PRKG1: variants seen among roughly 807,000 people sequenced by gnomAD.
PRKG1 encodes protein kinase cGMP-dependent 1, also known as cGMP-dependent protein kinase 1.
PRKG1 carries 35 observed loss-of-function variants against 88.1 expected under a neutral mutation model. The ratio of observed to expected loss-of-function variants is 0.40; its 90% CI spans 0.30 to 0.53. The LOEUF is 0.53. Ranked by LOEUF, PRKG1 falls within the 20% of genes least tolerant of loss-of-function variation. The pLI is 0.59. For missense variants in PRKG1, 540 were observed against 839.8 expected (o/e 0.64, Z 4.41); for synonymous variants, 303 against 292.5 (o/e 1.04, Z -0.37).
At chr10:51,989,916 T>C (rs185805585) in intron 5 of PRKG1, among the ~76,000 whole-genome samples, 2 of 152,304 alleles carry the variant, frequency 1.3e-5, no homozygotes, top group East Asian at 3.9e-4. Flanking sequence ...TCTTAAGTTT[T>C]CTTATAATAG....
At chr10:51,137,646 A>T (rs1001784821) in intron 1 of PRKG1, among the ~76,000 whole-genome samples, 15 of 152,336 alleles carry the variant, frequency 9.8e-5, no homozygotes, top group African/African-American at 2.9e-4. Flanking sequence ...GAAATAAAGG[A>T]CAAGAAATTT....
intron 5 of PRKG1, among the ~76,000 whole-genome samples, chr10:51,927,999 T>C (rs895484299): frequency 1.3e-5 from 2 of 152,204 alleles, no homozygotes; most frequent in Non-Finnish European, 2.9e-5. Context: ...TCTAGGCATA[T>C]GAGTTTGTGA....
chr10:51,335,539 A>T (rs1841854181), intron 2 of PRKG1, among the ~76,000 whole-genome samples: 1 of 149,022 alleles, frequency 6.7e-6, no homozygotes, highest in Admixed American at 6.7e-5. Context: ...TATGCTACAT[A>T]TTTTTTTTTT....
chr10:51,766,752 A>G (rs1741181629), intron 3 of PRKG1, among the ~76,000 whole-genome samples: 2 of 152,190 alleles, frequency 1.3e-5, no homozygotes, highest in South Asian at 2.1e-4. Context: ...GCATCTCCAA[A>G]TACTATCACA....
intron 7 of PRKG1, among the ~76,000 whole-genome samples, chr10:52,094,346 G>C (rs1847125065): frequency 6.6e-6 from 1 of 151,982 alleles, no homozygotes; most frequent in Non-Finnish European, 1.5e-5. Context: ...TTTGTCAGCT[G>C]CTAAGCTAAT....
At chr10:52,133,626 A>G (rs1024851729) in intron 7 of PRKG1, among the ~76,000 whole-genome samples, 2 of 152,120 alleles carry the variant, frequency 1.3e-5, no homozygotes, top group Non-Finnish European at 2.9e-5. Flanking sequence ...GAAAATTGCA[A>G]CTACTGGATT....
intron 2 of PRKG1, among the ~76,000 whole-genome samples, chr10:51,325,398 C>T (rs1265591501): frequency 3.9e-5 from 6 of 152,198 alleles, no homozygotes; most frequent in Non-Finnish European, 7.4e-5. Context: ...GCAGTTTCAC[C>T]ATGTTGGCCA....
At chr10:51,086,301 A>G (rs1190118580) in intron 1 of PRKG1, among the ~76,000 whole-genome samples, 5 of 152,196 alleles carry the variant, frequency 3.3e-5, no homozygotes, top group Non-Finnish European at 7.4e-5. Flanking sequence ...AGGCATTAAC[A>G]TATTTATTTT....
rs558696869 is a variant in PRKG1 at position 51,841,040 on chromosome 10, G to A, written c.698+36350G>A. Among the ~76,000 whole-genome samples the A allele has an allele frequency of 4.6e-5, 7 of 152,268 alleles. No individual in the cohort carries two copies. In the South Asian group the frequency reaches 6.2e-4, roughly 14 times the overall value. ...AGATCACCAATAGATGAATGATTTC[G>A]TTTTCTTGTCATATAGCCATTTTGT... On this transcript the variant is annotated intron_variant, in intron 4 of 17. Coordinates refer to ENST00000373980, the MANE Select transcript of PRKG1 (RefSeq NM_006258.4).
chr10:52,282,127 G>C (rs1425005140), intron 13 of PRKG1, 26 bp from the exon 14 acceptor site: 2 of 1,555,958 alleles, frequency 1.3e-6, no homozygotes, highest in Admixed American at 3.8e-5. Context: ...AGGAGCTTAA[G>C]TATCTTGTTT....
At chr10:51,237,016 C>G (rs1468830635) in intron 2 of PRKG1, among the ~76,000 whole-genome samples, 2 of 152,156 alleles carry the variant, frequency 1.3e-5, no homozygotes, top group African/African-American at 2.4e-5. Flanking sequence ...CAGGACTGTT[C>G]TGGTTCATGC....
intron 2 of PRKG1, among the ~76,000 whole-genome samples, chr10:51,329,759 T>C (rs893531164): frequency 6.6e-5 from 10 of 152,116 alleles, no homozygotes; most frequent in Admixed American, 6.6e-4. Flanking sequence ...GTTTTAACAA[T>C]TTAAGTATGC....
chr10:51,217,697 A>G (rs1467562826), intron 2 of PRKG1, among the ~76,000 whole-genome samples: 1 of 152,124 alleles, frequency 6.6e-6, no homozygotes, highest in Non-Finnish European at 1.5e-5. Flanking sequence ...GCTCACACAG[A>G]TGGCCTTTAT....
intron 4 of PRKG1, among the ~76,000 whole-genome samples, chr10:51,901,920 A>T (rs937002743): frequency 6.6e-6 from 1 of 152,118 alleles, no homozygotes; most frequent in Non-Finnish European, 1.5e-5. Context: ...CATTTAAAAA[A>T]TATCATTGAT....
intron 1 of PRKG1, among the ~76,000 whole-genome samples, chr10:51,121,121 C>T (rs1443532956): frequency 6.6e-6 from 1 of 152,184 alleles, no homozygotes; most frequent in Non-Finnish European, 1.5e-5. Flanking sequence ...TCTCTCCTGT[C>T]TCCCTCACTT....
intron 2 of PRKG1, among the ~76,000 whole-genome samples, chr10:51,314,477 G>C (rs1448345233): frequency 6.6e-6 from 1 of 152,168 alleles, no homozygotes; most frequent in Admixed American, 6.5e-5. Context: ...TCATTTACAT[G>C]AGCCACTTGT....
intron 3 of PRKG1, among the ~76,000 whole-genome samples, chr10:51,617,660 T>C (rs1464811260): frequency 1.3e-5 from 2 of 152,244 alleles, no homozygotes; most frequent in African/African-American, 4.8e-5. Flanking sequence ...CTATACCATA[T>C]AGCCTCAAAG....
intron 8 of PRKG1, among the ~76,000 whole-genome samples, chr10:52,140,711 G>C (rs1837556630): frequency 6.6e-6 from 1 of 152,114 alleles, no homozygotes; most frequent in African/African-American, 2.4e-5. Context: ...CATTGGGGGA[G>C]AGAAGAGGGA....
intron 4 of PRKG1, among the ~76,000 whole-genome samples, chr10:51,807,877 A>G (rs1183025608): frequency 5.3e-5 from 8 of 152,126 alleles, no homozygotes; most frequent in African/African-American, 1.7e-4. Flanking sequence ...GGCTTGCCTC[A>G]GGGGAGAATG....
Sources: gnomAD v4.1 joint callset for allele counts (sites outside exome capture counted in the v4.1 genomes callset) on GRCh38, gnomAD v4.1.1 for gene constraint, MANE v1.5 for transcripts, NCBI Gene and HGNC (gene_info 2026-07-23, HGNC 2026-07-21) for gene names.